SHISAL1: variants seen among roughly 807,000 people sequenced by gnomAD.
SHISAL1 encodes the protein shisa like 1.
A neutral mutation model predicts 22.6 loss-of-function variants in SHISAL1; 9 were observed. That is an observed-to-expected ratio of 0.40 (90% CI 0.24 to 0.70). The LOEUF (loss-of-function observed/expected upper bound fraction) is 0.70. Among genes scored for constraint, SHISAL1 ranks in the 30% least tolerant of loss-of-function variants. The probability of loss-of-function intolerance (pLI) is 0.39; values close to 1 mark genes in which losing one functional copy is unlikely to be tolerated. For missense variants in SHISAL1, 246 were observed against 270.6 expected (o/e 0.91, Z 0.64); for synonymous variants, 119 against 115.4 (o/e 1.03, Z -0.20).
intron 1 of SHISAL1, among the ~76,000 whole-genome samples, chr22:44,301,988 G>A (rs1480147006): frequency 6.6e-6 from 1 of 152,130 alleles, no homozygotes; most frequent in East Asian, 1.9e-4. Flanking sequence ...GGAGGTGCAT[G>A]GTGGGGAGGG....
chr22:44,247,817 A>C lies in SHISAL1; in HGVS notation c.*1868T>G, dbSNP rs1483170933. The C allele has an allele frequency of 6.6e-6, 1 of 152,180 alleles. No homozygotes were observed. Among genetic ancestry groups the C allele is most frequent in the Non-Finnish European group, 1.5e-5 (1 of 68,062 alleles). 9.4% of individuals were successfully genotyped at this position (152,180 alleles called of 1,614,324 possible). A position where few individuals can be genotyped will look rare whatever the true frequency, so the allele number is the denominator to read the frequency against. ...CACAGCTTGACTCACAGCAGAGCCC[A>C]GAGCTGGGCACTATCACCCTCATCT... On this transcript the variant is annotated 3_prime_UTR_variant, in exon 5 of 5. Transcript: ENST00000381176.
intron 4 of SHISAL1, among the ~76,000 whole-genome samples, chr22:44,257,559 T>G (rs1212689751): frequency 6.6e-6 from 1 of 152,184 alleles, no homozygotes; most frequent in Non-Finnish European, 1.5e-5. Context: ...TCCACTCAAT[T>G]TTTCTGTAAA....
chr22:44,249,305 G>C lies in SHISAL1; in HGVS notation c.*380C>G, dbSNP rs1182144444. 1 of 213,914 alleles carries C rather than the reference G, an allele frequency of 4.7e-6. No individual in the cohort carries two copies. The highest frequency in any genetic ancestry group is 9.3e-6 in the Non-Finnish European group (1 of 107,352). The allele number at this position is 213,914 out of a possible 1,614,324, so 13.3% of individuals were successfully genotyped here. On this transcript the variant is annotated 3_prime_UTR_variant, in exon 5 of 5. Transcript: ENST00000381176. ...CCACTACTGGAGGGAGCAGGGGCAA[G>C]GGAAGCTTCGGTTTTCAACCACAGG...
chr22:44,255,626 G>A (rs1426903492), intron 4 of SHISAL1, among the ~76,000 whole-genome samples: 6 of 152,162 alleles, frequency 3.9e-5, no homozygotes, highest in African/African-American at 1.4e-4. Context: ...GTCTGCGCTG[G>A]TCAGCGCTGG....
intron 4 of SHISAL1, among the ~76,000 whole-genome samples, chr22:44,256,371 C>G (rs764531535): frequency 9.9e-5 from 15 of 152,204 alleles, no homozygotes; most frequent in Non-Finnish European, 5.9e-5. Flanking sequence ...CTTGCTAACC[C>G]AGACCTTTGG....
At chr22:44,302,274 AG>A (rs1360838224) in intron 1 of SHISAL1, among the ~76,000 whole-genome samples, 1 of 139,672 alleles carries the variant, frequency 7.2e-6, no homozygotes, top group Non-Finnish European at 1.5e-5. Flanking sequence ...TGGGAGGTGG[AG>A]GCTGCAGTGA....
Position 44,300,915 on chromosome 22 carries a change from C to A in SHISAL1, c.31G>T (p.Val11Leu). 6.2e-7 allele frequency: 1 copy of A among 1,614,160 alleles called. No homozygotes were observed. Among genetic ancestry groups the A allele is most frequent in the South Asian group, 1.1e-5 (1 of 91,084 alleles). The change falls in exon 2 of 5, where the codon GTG (valine) becomes TTG (leucine). Residue 11 changes from valine to leucine, a missense_variant. By Grantham distance (32) the Val-to-Leu change is conservative. Transcript: ENST00000381176. MTSCGQQSLN[V>L]LAVLFSLLFS... ...AGCAATGAGAAGAGGACGGCGAGCA[C>A]GTTCAAGGACTGCTGGCCACAACTG... is the stretch of plus-strand genomic sequence containing the variant.
At chr22:44,275,268 G>T (rs1318898651) in intron 4 of SHISAL1, among the ~76,000 whole-genome samples, 1 of 152,182 alleles carries the variant, frequency 6.6e-6, no homozygotes, top group African/African-American at 2.4e-5. Flanking sequence ...CACAAATGGT[G>T]CAGGGGAAAA....
chr22:44,308,756 C>G (rs1052694475), intron 1 of SHISAL1, among the ~76,000 whole-genome samples: 1 of 152,164 alleles, frequency 6.6e-6, no homozygotes, highest in Non-Finnish European at 1.5e-5. Flanking sequence ...GCTGGGAGAA[C>G]AGAGCATGGG....
At chr22:44,298,239 A>C (rs575488351) in intron 2 of SHISAL1, among the ~76,000 whole-genome samples, 2 of 152,350 alleles carry the variant, frequency 1.3e-5, no homozygotes, top group South Asian at 2.1e-4. Context: ...GAGAGCCCCA[A>C]GTAGACAGCT....
At chr22:44,269,798 C>A (rs1480414829) in intron 4 of SHISAL1, among the ~76,000 whole-genome samples, 6 of 152,190 alleles carry the variant, frequency 3.9e-5, no homozygotes, top group Admixed American at 2.0e-4. Flanking sequence ...CCTAGCCCCT[C>A]AGGACCCACC....
the SHISAL1 span, among the ~76,000 whole-genome samples, chr22:44,329,900 G>A: frequency 1.3e-5 from 2 of 152,182 alleles, no homozygotes; most frequent in African/African-American, 2.4e-5. Flanking sequence ...AGTCCCAATG[G>A]TTACCCCTGG....
intron 3 of SHISAL1, among the ~76,000 whole-genome samples, chr22:44,295,993 G>A (rs1328310724): frequency 6.6e-6 from 1 of 152,218 alleles, no homozygotes; most frequent in Non-Finnish European, 1.5e-5. Context: ...GGTCAATGGT[G>A]TCAATCAGTA....
At chr22:44,316,261 A>G (rs980940323), upstream of SHISAL1, among the ~76,000 whole-genome samples, 4 of 151,994 alleles carry the variant, frequency 2.6e-5, no homozygotes, top group African/African-American at 9.7e-5. Flanking sequence ...CTAGCTTGGG[A>G]CCTCGGACAA....
rs775039789 is a variant in SHISAL1 at position 44,248,596 on chromosome 22, C to T, written c.*1089G>A. On this transcript the variant is annotated 3_prime_UTR_variant, in exon 5 of 5. Coordinates refer to ENST00000381176, the MANE Select transcript of SHISAL1 (RefSeq NM_001099294.2). ...TGTTACCCTTTCCAGCAAAGATCCACGTGTCTGTGTCTCCCACCAGATGGG... is the reference window on the plus strand; with the variant it reads ...TGTTACCCTTTCCAGCAAAGATCCATGTGTCTGTGTCTCCCACCAGATGGG... 8 of 152,176 alleles carry T rather than the reference C, an allele frequency of 5.3e-5. No individual in the cohort carries two copies. Among genetic ancestry groups the T allele is most frequent in the Non-Finnish European group, 1.0e-4 (7 of 68,050 alleles). The allele number at this position is 152,176 out of a possible 1,614,324, so 9.4% of individuals were successfully genotyped here.
intron 4 of SHISAL1, among the ~76,000 whole-genome samples, chr22:44,282,378 G>T (rs1223522425): frequency 6.6e-6 from 1 of 152,232 alleles, no homozygotes; most frequent in East Asian, 1.9e-4. Context: ...GGCATCACCT[G>T]ACTGCCCTGT....
chr22:44,309,943 G>C (rs773423687), intron 1 of SHISAL1, among the ~76,000 whole-genome samples: 7 of 152,330 alleles, frequency 4.6e-5, no homozygotes, highest in Admixed American at 2.0e-4. Flanking sequence ...ATGCTTGCAG[G>C]GGGAAGCGGC....
intron 4 of SHISAL1, among the ~76,000 whole-genome samples, chr22:44,258,204 G>T (rs369407102): frequency 6.6e-6 from 1 of 152,168 alleles, no homozygotes; most frequent in Non-Finnish European, 1.5e-5. Context: ...TACTTGGGAG[G>T]CTGAGGCAGG....
chr22:44,313,715 G>A (rs1004232653), upstream of SHISAL1, among the ~76,000 whole-genome samples: 4 of 152,174 alleles, frequency 2.6e-5, no homozygotes, highest in East Asian at 1.9e-4. Context: ...CTGGGCCTTC[G>A]TGCATCGTGG....
Sources: gnomAD v4.1 joint callset for allele counts (sites outside exome capture counted in the v4.1 genomes callset) on GRCh38, gnomAD v4.1.1 for gene constraint, MANE v1.5 for transcripts, NCBI Gene and HGNC (gene_info 2026-07-23, HGNC 2026-07-21) for gene names.